RAB6B: variants seen among roughly 807,000 people sequenced by gnomAD.
RAB6B encodes RAB6B, member RAS oncogene family, also known as ras-related protein Rab-6B.
A neutral mutation model predicts 31.2 loss-of-function variants in RAB6B; 7 were observed. That is an observed-to-expected ratio of 0.22 (90% CI 0.13 to 0.42). The LOEUF (loss-of-function observed/expected upper bound fraction) is 0.42, where lower values mean the gene tolerates loss of function less well. RAB6B is among the 10% of genes least tolerant of loss of function. RAB6B has a pLI of 1.00. For synonymous variants in RAB6B, 105 were observed against 104.9 expected (o/e 1.00, Z -0.01); for missense variants, 149 against 280.6 (o/e 0.53, Z 3.35).
chr3:133,841,510 G>T, intron 3 of RAB6B, 100 bp downstream of exon 3: 1 of 1,527,482 alleles, frequency 6.5e-7, no homozygotes, highest in South Asian at 1.2e-5. Flanking sequence ...CCAGCCCCTA[G>T]TGTCGGCAGG....
At chr3:133,874,199 T>A (rs1936361686) in intron 1 of RAB6B, among the ~76,000 whole-genome samples, 1 of 152,226 alleles carries the variant, frequency 6.6e-6, no homozygotes, top group South Asian at 2.1e-4. Flanking sequence ...TCAAGGGTCA[T>A]CCATCTATCT....
intron 4 of RAB6B, among the ~76,000 whole-genome samples, chr3:133,840,738 G>C (rs906517674): frequency 4.0e-5 from 6 of 150,948 alleles, no homozygotes; most frequent in African/African-American, 1.5e-4. Flanking sequence ...GTGCGCCCTT[G>C]AGGCTGTGCA....
At position 133,841,560 on chromosome 3, in the gene RAB6B, G is replaced by T. The variant is rs200370748; in HGVS notation, c.183+50C>A. ...CCCAGCTAAGGGTCCTAGGGGATAAGCCCAAAGGAACCCTCCCTGCCCCTC... is the reference window on the plus strand; with the variant it reads ...CCCAGCTAAGGGTCCTAGGGGATAATCCCAAAGGAACCCTCCCTGCCCCTC... On this transcript the variant is annotated intron_variant, in intron 3 of 7. Coordinates refer to ENST00000285208, the MANE Select transcript of RAB6B (RefSeq NM_016577.4). The T allele has an allele frequency of 8.1e-5, 129 of 1,597,978 alleles. 1 individual carries two copies. Among genetic ancestry groups the T allele is most frequent in the Admixed American group, 5.9e-4 (35 of 59,644 alleles).
At position 133,863,366 on chromosome 3, in the gene RAB6B, A is replaced by G. The variant is rs368471310; in HGVS notation, c.129+1218T>C. Among the ~76,000 whole-genome samples the G allele has an allele frequency of 3.9e-5, 6 of 152,240 alleles. No individual in the cohort carries two copies. The East Asian group carries it at 1.2e-3, about 29-fold the overall frequency. ...GAGGATAATTGGTCCAGAGGGAGAC[A>G]GACAGACTAAAAAGTAGATACAGAG... On this transcript the variant is annotated intron_variant, in intron 2 of 7. Transcript: ENST00000285208.
chr3:133,852,692 T>C (rs751552074), intron 2 of RAB6B, among the ~76,000 whole-genome samples: 3 of 152,158 alleles, frequency 2.0e-5, no homozygotes, highest in Non-Finnish European at 2.9e-5. Context: ...TTGCCCAGGC[T>C]GGTCTCGAAC....
At chr3:133,894,219 C>A (rs1426131593) in intron 1 of RAB6B, among the ~76,000 whole-genome samples, 1 of 152,198 alleles carries the variant, frequency 6.6e-6, no homozygotes, top group African/African-American at 2.4e-5. Flanking sequence ...GAGCTGGGGT[C>A]CTGTCCCGCA....
chr3:133,830,657 C>A (rs1283102309), intron 7 of RAB6B, among the ~76,000 whole-genome samples: 4 of 152,160 alleles, frequency 2.6e-5, no homozygotes, highest in Admixed American at 1.3e-4. Flanking sequence ...CCACATTAGA[C>A]CTCGTGCAGT....
intron 1 of RAB6B, among the ~76,000 whole-genome samples, chr3:133,889,442 A>ATG (rs1170835847): frequency 1.1e-5 from 1 of 87,856 alleles, no homozygotes; most frequent in South Asian, 3.8e-4. Flanking sequence ...ATATATATAT[A>ATG]TATTTATTTT....
At chr3:133,855,148 G>A (rs1007876944) in intron 2 of RAB6B, among the ~76,000 whole-genome samples, 4 of 152,384 alleles carry the variant, frequency 2.6e-5, no homozygotes, top group Non-Finnish European at 5.9e-5. Context: ...GAAAGTATCA[G>A]GGTAAAGTCA....
At chr3:133,893,745 G>A (rs1457700246) in intron 1 of RAB6B, among the ~76,000 whole-genome samples, 1 of 152,120 alleles carries the variant, frequency 6.6e-6, no homozygotes, top group African/African-American at 2.4e-5. Flanking sequence ...AGACAACACA[G>A]CTAAGAATTC....
chr3:133,864,086 C>T (rs73861241), intron 2 of RAB6B, among the ~76,000 whole-genome samples: 1,550 of 150,528 alleles, frequency 0.01, 19 homozygotes, highest in African/African-American at 0.031. Flanking sequence ...CTCATCGCAC[C>T]AGCCTCTCCA....
At chr3:133,843,023 T>C (rs895998064) in intron 2 of RAB6B, among the ~76,000 whole-genome samples, 3 of 152,254 alleles carry the variant, frequency 2.0e-5, no homozygotes, top group East Asian at 1.9e-4. Context: ...TATGCACCAA[T>C]GTGTGTGCAC....
intron 2 of RAB6B, among the ~76,000 whole-genome samples, chr3:133,847,889 A>AT: frequency 6.6e-6 from 1 of 152,022 alleles, no homozygotes; most frequent in Non-Finnish European, 1.5e-5. Context: ...GCGGTTCCTT[A>AT]TTGTTCTCTT....
chr3:133,870,795 T>C (rs1936312737), intron 1 of RAB6B, among the ~76,000 whole-genome samples: 1 of 141,828 alleles, frequency 7.1e-6, no homozygotes, highest in African/African-American at 2.7e-5. Context: ...TTTTTCACTA[T>C]TGGCATCAGC....
rs898077633 is a variant in RAB6B at position 133,824,247 on chromosome 3, A to G, written c.*4541T>C. The G allele has an allele frequency of 6.6e-6, 1 of 152,236 alleles. No homozygotes were observed. The highest frequency in any genetic ancestry group is 2.4e-5 in the African/African-American group (1 of 41,450). 9.4% of individuals were successfully genotyped at this position (152,236 alleles called of 1,614,324 possible). The stretch of plus-strand genomic sequence containing the variant: ...ACAGACAAGAAGCTTTGTTTTGAGA[A>G]TTAGGACAGTTTATTGTTTGACCAA... On this transcript the variant is annotated 3_prime_UTR_variant, in exon 8 of 8. Coordinates refer to ENST00000285208, the MANE Select transcript of RAB6B (RefSeq NM_016577.4).
intron 2 of RAB6B, among the ~76,000 whole-genome samples, chr3:133,853,457 G>A (rs973211957): frequency 6.6e-6 from 1 of 151,452 alleles, no homozygotes; most frequent in East Asian, 1.9e-4. Context: ...TTGGGATGGG[G>A]AGCATATGTC....
At chr3:133,854,077 C>T (rs572961990) in intron 2 of RAB6B, among the ~76,000 whole-genome samples, 2 of 152,322 alleles carry the variant, frequency 1.3e-5, no homozygotes, top group South Asian at 4.1e-4. Context: ...ATAAGGCACA[C>T]TGGCAAATAA....
At position 133,855,666 on chromosome 3, in the gene RAB6B, C is replaced by T. The variant is rs141722719; in HGVS notation, c.129+8918G>A. Among the ~76,000 whole-genome samples, 538 of 152,186 alleles carry T rather than the reference C, an allele frequency of 3.5e-3. 8 individuals are homozygous for T. The highest frequency in any genetic ancestry group is 0.012 in the African/African-American group (501 of 41,524). On this transcript the variant is annotated intron_variant, in intron 2 of 7. Transcript: ENST00000285208. ...TTATAGCAAAAGATACTCCAGGTGT[C>T]GGACTTTTGAGGGCATCTAAGAACT...
At chr3:133,875,163 C>T (rs190251919) in intron 1 of RAB6B, among the ~76,000 whole-genome samples, 4 of 152,188 alleles carry the variant, frequency 2.6e-5, no homozygotes, top group Admixed American at 6.5e-5. Flanking sequence ...TTCATACATG[C>T]GGTCTGTCGT....
Sources: allele counts gnomAD v4.1 joint callset (sites outside exome capture counted in the v4.1 genomes callset), GRCh38; gene constraint gnomAD v4.1.1; transcripts MANE v1.5; gene names NCBI Gene and HGNC (gene_info 2026-07-23, HGNC 2026-07-21).